RPS6KC1: variants seen among roughly 807,000 people sequenced by gnomAD.
RPS6KC1 encodes inactive ribosomal protein S6 kinase delta-1.
RPS6KC1 carries 54 observed loss-of-function variants against 103.8 expected under a neutral mutation model. The observed-to-expected ratio is 0.52, with a 90% CI of 0.42 to 0.65. The LOEUF (loss-of-function observed/expected upper bound fraction) is 0.65. Among genes scored for constraint, RPS6KC1 ranks in the 30% least tolerant of loss-of-function variants. The pLI is 0.00. For synonymous variants in RPS6KC1, 439 were observed against 438.7 expected (o/e 1.00, Z -0.01); for missense variants, 1,151 against 1,253.8 (o/e 0.92, Z 1.24).
chr1:213,114,069 T>C (rs1287711011), intron 4 of RPS6KC1, among the ~76,000 whole-genome samples: 2 of 152,076 alleles, frequency 1.3e-5, no homozygotes, highest in South Asian at 2.1e-4. Context: ...ATATGAACTT[T>C]AAAGTAGTTT....
the RPS6KC1 span, among the ~76,000 whole-genome samples, chr1:213,788,638 C>G: frequency 6.6e-6 from 1 of 152,100 alleles, no homozygotes; most frequent in African/African-American, 2.4e-5. Flanking sequence ...TGCCAAATGG[C>G]TACATATACT....
the RPS6KC1 span, among the ~76,000 whole-genome samples, chr1:213,715,677 A>G: frequency 8.3e-4 from 126 of 152,330 alleles, 2 homozygotes; most frequent in South Asian, 0.025. Flanking sequence ...GTTTTTCTCA[A>G]ATTGTTCAAA....
At chr1:213,537,102 C>G in the RPS6KC1 span, among the ~76,000 whole-genome samples, 15 of 152,142 alleles carry the variant, frequency 9.9e-5, no homozygotes, top group African/African-American at 3.6e-4. Context: ...CACTTCAAAC[C>G]CTCCCTTTAA....
At chr1:213,416,567 G>A in the RPS6KC1 span, among the ~76,000 whole-genome samples, 3 of 152,180 alleles carry the variant, frequency 2.0e-5, no homozygotes, top group Non-Finnish European at 4.4e-5. Context: ...TGGGCTGTGA[G>A]TCCAGATTCA....
intron 3 of RPS6KC1, among the ~76,000 whole-genome samples, chr1:213,097,166 C>A (rs2081538595): frequency 6.6e-6 from 1 of 152,056 alleles, no homozygotes; most frequent in Non-Finnish European, 1.5e-5. Flanking sequence ...CCAGCCTGGC[C>A]AACATGGTGA....
the RPS6KC1 span, among the ~76,000 whole-genome samples, chr1:213,597,568 C>T: frequency 6.6e-6 from 1 of 152,158 alleles, no homozygotes; most frequent in Admixed American, 6.5e-5. Flanking sequence ...TTCAGCAGGA[C>T]GATCCATGGC....
chr1:213,164,514 T>C (rs1436057140), intron 6 of RPS6KC1, among the ~76,000 whole-genome samples: 1 of 152,240 alleles, frequency 6.6e-6, no homozygotes, highest in Non-Finnish European at 1.5e-5. Flanking sequence ...ACCAGAACTT[T>C]TTAACATAAA....
the RPS6KC1 span, among the ~76,000 whole-genome samples, chr1:213,528,612 C>T: frequency 6.6e-6 from 1 of 152,182 alleles, no homozygotes; most frequent in Non-Finnish European, 1.5e-5. Context: ...GGTCCTCATT[C>T]TGCTCCTTCC....
the RPS6KC1 span, among the ~76,000 whole-genome samples, chr1:213,838,968 A>G: frequency 6.6e-6 from 1 of 152,206 alleles, no homozygotes; most frequent in Non-Finnish European, 1.5e-5. Context: ...TAATGATGAG[A>G]TTTTAGCAAT....
chr1:213,262,572 C>G (rs2094822419), intron 13 of RPS6KC1, 149 bp from the exon 14 acceptor site: 1 of 621,154 alleles, frequency 1.6e-6, no homozygotes, highest in East Asian at 2.8e-5. Flanking sequence ...CAGCCCTCAT[C>G]CTAAACTGCT....
intron 10 of RPS6KC1, among the ~76,000 whole-genome samples, chr1:213,240,393 T>A (rs1384659927): frequency 6.6e-6 from 1 of 152,158 alleles, no homozygotes; most frequent in Non-Finnish European, 1.5e-5. Flanking sequence ...GATATTTAAC[T>A]TTAGAGTAGA....
At chr1:213,583,586 C>G in the RPS6KC1 span, among the ~76,000 whole-genome samples, 6 of 152,004 alleles carry the variant, frequency 3.9e-5, no homozygotes, top group Non-Finnish European at 8.8e-5. Flanking sequence ...TTTGGGAGAC[C>G]AAGGCTGGCA....
At chr1:213,434,080 G>T in the RPS6KC1 span, among the ~76,000 whole-genome samples, 78 of 132,354 alleles carry the variant, frequency 5.9e-4, no homozygotes, top group Middle Eastern at 8.1e-3. Context: ...ATTAGTGTTT[G>T]TTTTTTCATT....
chr1:213,290,894 A>G, the RPS6KC1 span, among the ~76,000 whole-genome samples: 1 of 152,196 alleles, frequency 6.6e-6, no homozygotes, highest in South Asian at 2.1e-4. Flanking sequence ...TGATTCAAAG[A>G]TAAATTAGAC....
At chr1:213,585,941 G>T in the RPS6KC1 span, among the ~76,000 whole-genome samples, 1 of 152,130 alleles carries the variant, frequency 6.6e-6, no homozygotes, top group South Asian at 2.1e-4. Flanking sequence ...ATGCTGGATT[G>T]AGAGCAAGGG....
At chr1:213,335,679 G>A in the RPS6KC1 span, among the ~76,000 whole-genome samples, 1 of 152,214 alleles carries the variant, frequency 6.6e-6, no homozygotes, top group Non-Finnish European at 1.5e-5. Context: ...CAAGATACAA[G>A]GGAGATGGGG....
chr1:213,631,582 T>G, the RPS6KC1 span, among the ~76,000 whole-genome samples: 360 of 152,192 alleles, frequency 2.4e-3, 2 homozygotes, highest in African/African-American at 8.3e-3. Context: ...ACAAAAATTA[T>G]AATCACTGGG....
the RPS6KC1 span, among the ~76,000 whole-genome samples, chr1:213,665,874 T>C: frequency 6.6e-6 from 1 of 152,216 alleles, no homozygotes; most frequent in South Asian, 2.1e-4. Context: ...AAGACTGGTA[T>C]GTACCATCAT....
the RPS6KC1 span, among the ~76,000 whole-genome samples, chr1:213,627,884 C>CT: frequency 2.6e-5 from 4 of 152,114 alleles, no homozygotes; most frequent in South Asian, 4.2e-4. Context: ...CTAAAATTCT[C>CT]TTTTTTTGTT....
Sources: gnomAD v4.1 joint callset for allele counts (sites outside exome capture counted in the v4.1 genomes callset) on GRCh38, gnomAD v4.1.1 for gene constraint, MANE v1.5 for transcripts, NCBI Gene and HGNC (gene_info 2026-07-23, HGNC 2026-07-21) for gene names.